The following PRKG1 variants were observed in gnomAD, a reference collection of about 807,000 sequenced individuals.
PRKG1 encodes the protein cGMP-dependent protein kinase 1.
Under a neutral mutation model 88.1 loss-of-function variants are expected in PRKG1, and 35 were observed. The observed-to-expected ratio is 0.40, with a 90% CI of 0.30 to 0.53. The LOEUF is 0.53. Ranked by LOEUF, PRKG1 falls within the 20% of genes least tolerant of loss-of-function variation. The probability of loss-of-function intolerance (pLI) is 0.59; values close to 1 mark genes in which losing one functional copy is unlikely to be tolerated. For synonymous variants in PRKG1, 303 were observed against 292.5 expected (o/e 1.04, Z -0.37); for missense variants, 540 against 839.8 (o/e 0.64, Z 4.41).
At chr10:51,548,866 A>G (rs1162393538) in intron 3 of PRKG1, among the ~76,000 whole-genome samples, 1 of 152,058 alleles carries the variant, frequency 6.6e-6, no homozygotes, top group Admixed American at 6.6e-5. Flanking sequence ...ATCTTGTATG[A>G]ATCTCAGGTA....
At position 51,409,850 on chromosome 10, in the gene PRKG1, C is replaced by CAAAAAAAAA. The variant is rs71459417; in HGVS notation, c.479-57861_479-57853dup. On this transcript the variant is annotated intron_variant, in intron 2 of 17. Coordinates refer to ENST00000373980, the MANE Select transcript of PRKG1 (RefSeq NM_006258.4). Reference sequence around the variant, plus strand: ...GCCTGGCAACAGAGAGAGACTCTGTCAAAAAAAAAAAAAAAAAAAAGGAGA... The same window carrying CAAAAAAAAA: ...GCCTGGCAACAGAGAGAGACTCTGTCAAAAAAAAAAAAAAAAAAAAAAAAAAAAAGGAGA... Among the ~76,000 whole-genome samples, 5 of 79,498 alleles carry CAAAAAAAAA rather than the reference C, an allele frequency of 6.3e-5. 1 individual carries two copies. The highest frequency in any genetic ancestry group is 1.0e-4 in the African/African-American group (2 of 19,282). The allele number at this position is 79,498 out of a possible 152,430, so 52.2% of individuals were successfully genotyped here.
chr10:51,515,014 G>T (rs541133533), intron 3 of PRKG1, among the ~76,000 whole-genome samples: 1 of 152,200 alleles, frequency 6.6e-6, no homozygotes, highest in South Asian at 2.1e-4. Flanking sequence ...CCTTCCCCCA[G>T]TTGTGACAAG....
At chr10:51,441,741 C>T (rs1049567132) in intron 2 of PRKG1, among the ~76,000 whole-genome samples, 2 of 151,942 alleles carry the variant, frequency 1.3e-5, no homozygotes, top group African/African-American at 4.8e-5. Context: ...AAGCATTGAT[C>T]ATTATAACCT....
chr10:52,137,646 C>T (rs191660190), intron 8 of PRKG1, among the ~76,000 whole-genome samples: 1 of 152,012 alleles, frequency 6.6e-6, no homozygotes, highest in African/African-American at 2.4e-5. Flanking sequence ...AGGTTACTTA[C>T]AATACCTAAT....
intron 1 of PRKG1, among the ~76,000 whole-genome samples, chr10:51,106,200 G>T (rs1453215386): frequency 6.6e-6 from 1 of 152,116 alleles, no homozygotes; most frequent in Admixed American, 6.5e-5. Context: ...ATAGCAACAA[G>T]AATACTATAC....
intron 2 of PRKG1, among the ~76,000 whole-genome samples, chr10:51,274,606 A>T (rs1430620300): frequency 6.6e-6 from 1 of 152,212 alleles, no homozygotes; most frequent in African/African-American, 2.4e-5. Context: ...CGTGCTCAAC[A>T]CTATAGAAAG....
rs900393675 is a variant in PRKG1, at chr10:52,006,015, G to T, written c.763-48469G>T. Among the ~76,000 whole-genome samples the T allele has an allele frequency of 2.6e-5, 4 of 151,436 alleles. 1 individual carries two copies. The Middle Eastern group carries it at 0.01, about 389-fold the overall frequency. ...GACACAGTAGCAAACTAGCATCAAA[G>T]CCAGTCAACTGAACCCACCTTATAC... On this transcript the variant is annotated intron_variant, in intron 5 of 17. Coordinates refer to ENST00000373980, the MANE Select transcript of PRKG1 (RefSeq NM_006258.4).
At chr10:51,380,412 A>G (rs1837051907) in intron 2 of PRKG1, among the ~76,000 whole-genome samples, 1 of 152,196 alleles carries the variant, frequency 6.6e-6, no homozygotes, top group African/African-American at 2.4e-5. Flanking sequence ...TCTCCATGAA[A>G]AAAGAGATTT....
intron 9 of PRKG1, among the ~76,000 whole-genome samples, chr10:52,215,038 A>C (rs1307841459): frequency 2.2e-5 from 1 of 45,480 alleles, no homozygotes; most frequent in Admixed American, 1.9e-4. Flanking sequence ...AAGTTTTTTC[A>C]AAAAAAAAAA....
At chr10:51,946,487 G>A (rs190176024) in intron 5 of PRKG1, among the ~76,000 whole-genome samples, 2 of 152,032 alleles carry the variant, frequency 1.3e-5, no homozygotes, top group Non-Finnish European at 2.9e-5. Flanking sequence ...GTCCAGCTTT[G>A]TTCCGTTGCT....
intron 5 of PRKG1, among the ~76,000 whole-genome samples, chr10:51,982,736 T>C (rs1844043174): frequency 6.6e-6 from 1 of 152,158 alleles, no homozygotes; most frequent in Non-Finnish European, 1.5e-5. Context: ...CAATGGGTAG[T>C]GTCAGCAAAA....
chr10:51,662,101 T>A (rs1426583065), intron 3 of PRKG1, among the ~76,000 whole-genome samples: 1 of 152,014 alleles, frequency 6.6e-6, no homozygotes, highest in African/African-American at 2.4e-5. Context: ...AGGGGAGGGA[T>A]AGCATTAGGA....
In PRKG1 at chr10:52,205,361, A is replaced by C. The variant is rs558840733; in HGVS notation, c.1076+43398A>C. 2.6e-5 allele frequency among the ~76,000 whole-genome samples: 4 copies of C among 152,190 alleles called. No homozygotes were observed. In the South Asian group the frequency reaches 8.3e-4, roughly 32 times the overall value. On this transcript the variant is annotated intron_variant, in intron 9 of 17. Transcript: ENST00000373980. ...TCAGGGGGCATCACAGAACCTGCCG[A>C]TATGTGATGTGTCCCCTGGACACCC...
At chr10:51,570,595 T>C (rs550531948) in intron 3 of PRKG1, among the ~76,000 whole-genome samples, 38 of 152,024 alleles carry the variant, frequency 2.5e-4, no homozygotes, top group African/African-American at 8.9e-4. Context: ...TTTATACATA[T>C]GGGTGTGTGT....
intron 2 of PRKG1, among the ~76,000 whole-genome samples, chr10:51,289,792 C>T (rs1016030504): frequency 2.6e-5 from 4 of 151,930 alleles, no homozygotes; most frequent in Non-Finnish European, 5.9e-5. Flanking sequence ...GAAACATTCA[C>T]ACAGACAACC....
chr10:51,715,494 T>C (rs1300711056), intron 3 of PRKG1, among the ~76,000 whole-genome samples: 1 of 152,132 alleles, frequency 6.6e-6, no homozygotes, highest in South Asian at 2.1e-4. Flanking sequence ...AAACCCTTCA[T>C]TTGAACATGA....
At chr10:52,151,613 G>A (rs189620696) in intron 8 of PRKG1, among the ~76,000 whole-genome samples, 3 of 152,106 alleles carry the variant, frequency 2.0e-5, no homozygotes, top group African/African-American at 7.2e-5. Flanking sequence ...ATATAGTAAG[G>A]TAAAGAGAGT....
chr10:51,647,915 A>G (rs1304380020), intron 3 of PRKG1, among the ~76,000 whole-genome samples: 2 of 152,102 alleles, frequency 1.3e-5, no homozygotes, highest in East Asian at 3.8e-4. Flanking sequence ...TGCATTCCAG[A>G]CTTAAAAGTC....
intron 10 of PRKG1, among the ~76,000 whole-genome samples, chr10:52,262,961 A>G (rs1449919908): frequency 6.6e-6 from 1 of 152,234 alleles, no homozygotes; most frequent in South Asian, 2.1e-4. Flanking sequence ...TTGTTTTCCG[A>G]GTATTTTCAA....
Sources: allele counts gnomAD v4.1 joint callset (sites outside exome capture counted in the v4.1 genomes callset), GRCh38; gene constraint gnomAD v4.1.1; transcripts MANE v1.5; gene names NCBI Gene and HGNC (gene_info 2026-07-23, HGNC 2026-07-21).